The following SLC2A9 variants were observed in gnomAD, a reference collection of about 807,000 sequenced individuals.
SLC2A9 encodes solute carrier family 2, facilitated glucose transporter member 9.
Under a neutral mutation model 50.6 loss-of-function variants are expected in SLC2A9, and 39 were observed. That is an observed-to-expected ratio of 0.77 (90% CI 0.60 to 1.01). The LOEUF (loss-of-function observed/expected upper bound fraction) is 1.01, where lower values mean the gene tolerates loss of function less well. Among genes scored for constraint, SLC2A9 ranks in the 50% least tolerant of loss-of-function variants. The pLI, the probability that SLC2A9 is intolerant of heterozygous loss-of-function variation, is 0.00. For synonymous variants in SLC2A9, 324 were observed against 276.9 expected (o/e 1.17, Z -1.69); for missense variants, 686 against 677.6 (o/e 1.01, Z -0.14).
At chr4:9,951,682 TGTCTA>T (rs1274423112) in intron 5 of SLC2A9, among the ~76,000 whole-genome samples, 1 of 152,234 alleles carries the variant, frequency 6.6e-6, no homozygotes, top group Non-Finnish European at 1.5e-5. Flanking sequence ...CTGTCCTTTC[TGTCTA>T]AAGGAAATGT....
intron 8 of SLC2A9, among the ~76,000 whole-genome samples, chr4:9,899,423 G>A (rs1479730391): frequency 6.6e-6 from 1 of 152,184 alleles, no homozygotes; most frequent in Non-Finnish European, 1.5e-5. Context: ...TGGTAATCCT[G>A]TTTTAAACAT....
chr4:9,826,526 C>G lies in SLC2A9; in HGVS notation c.1494G>C (p.Val498=). The G allele has an allele frequency of 6.2e-7, 1 of 1,614,002 alleles. No individual in the cohort carries two copies. Among genetic ancestry groups the G allele is most frequent in the South Asian group, 1.1e-5 (1 of 91,070 alleles). ...AGGTTCTGTTTTTGGTCTCAGGCAGCACAAAATACAGGTAGATAGCACCTG... is the reference window on the plus strand; with the variant it reads ...AGGTTCTGTTTTTGGTCTCAGGCAGGACAAAATACAGGTAGATAGCACCTG... ...CITGAIYLYF[V]LPETKNRTYA... is the part of the protein sequence containing the mutation. Residue 498 remains valine, a synonymous_variant, in exon 12 of 12, where the codon GTG becomes GTC. Coordinates refer to ENST00000264784, the MANE Select transcript of SLC2A9 (RefSeq NM_020041.3).
chr4:9,937,104 T>A (rs1747228260), intron 6 of SLC2A9, among the ~76,000 whole-genome samples: 1 of 152,132 alleles, frequency 6.6e-6, no homozygotes, highest in Admixed American at 6.5e-5. Context: ...ATGGCACCCA[T>A]CACAGGCACA....
intron 10 of SLC2A9, among the ~76,000 whole-genome samples, chr4:9,846,702 T>G (rs16889509): frequency 0.17 from 25,768 of 152,190 alleles, 3,151 homozygotes; most frequent in African/African-American, 0.34. Flanking sequence ...GGCTAGTAGC[T>G]AAGACCATTG....
At chr4:10,028,376 C>G (rs1050953465) in intron 1 of SLC2A9, among the ~76,000 whole-genome samples, 1 of 152,252 alleles carries the variant, frequency 6.6e-6, no homozygotes, top group Non-Finnish European at 1.5e-5. Context: ...GACTCAGACC[C>G]TCATCCTGGC....
downstream of SLC2A9, among the ~76,000 whole-genome samples, chr4:9,795,927 C>T (rs1005107296): frequency 2.0e-5 from 3 of 152,136 alleles, no homozygotes; most frequent in African/African-American, 7.2e-5. Flanking sequence ...GTGTTAAGCA[C>T]CTTGGAAACA....
chr4:9,949,066 C>T (rs1485223796), intron 5 of SLC2A9, among the ~76,000 whole-genome samples: 1 of 152,214 alleles, frequency 6.6e-6, no homozygotes, highest in African/African-American at 2.4e-5. Context: ...GCACATCTAT[C>T]TACTCATCCT....
chr4:10,032,200 A>C (rs1264836575), intron 1 of SLC2A9, among the ~76,000 whole-genome samples: 3 of 152,172 alleles, frequency 2.0e-5, no homozygotes, highest in African/African-American at 7.2e-5. Flanking sequence ...AAACTCTAGA[A>C]AGCAGTGTAA....
At chr4:9,967,696 G>A (rs1753248424) in intron 5 of SLC2A9, among the ~76,000 whole-genome samples, 1 of 151,702 alleles carries the variant, frequency 6.6e-6, no homozygotes, top group Non-Finnish European at 1.5e-5. Flanking sequence ...AAAGTTATGG[G>A]AATAAAGATA....
At chr4:9,901,045 A>G (rs1008384112) in intron 8 of SLC2A9, among the ~76,000 whole-genome samples, 2 of 152,166 alleles carry the variant, frequency 1.3e-5, no homozygotes, top group Non-Finnish European at 1.5e-5. Flanking sequence ...CAATGGTAAC[A>G]CTAATGCTTT....
At chr4:10,013,147 T>C (rs1451567278) in intron 2 of SLC2A9, among the ~76,000 whole-genome samples, 2 of 152,178 alleles carry the variant, frequency 1.3e-5, no homozygotes, top group East Asian at 1.9e-4. Flanking sequence ...TAAGAACCTC[T>C]TGCCAGTTCA....
At chr4:9,824,526 G>A (rs1395872014), downstream of SLC2A9, among the ~76,000 whole-genome samples, 2 of 152,074 alleles carry the variant, frequency 1.3e-5, no homozygotes, top group African/African-American at 4.8e-5. Context: ...TCTCACCCCA[G>A]TCATCCCTGT....
intron 8 of SLC2A9, among the ~76,000 whole-genome samples, chr4:9,900,713 G>T (rs952789187): frequency 1.3e-5 from 2 of 152,180 alleles, no homozygotes; most frequent in African/African-American, 4.8e-5. Flanking sequence ...AGTTCCACAG[G>T]GCGGGGGAGG....
intron 10 of SLC2A9, among the ~76,000 whole-genome samples, chr4:9,836,797 T>G (rs1018999125): frequency 1.3e-5 from 2 of 152,098 alleles, no homozygotes; most frequent in African/African-American, 4.8e-5. Context: ...GTTGGGGCAG[T>G]CCAGGGAGGA....
chr4:9,902,537 C>T (rs973330863), intron 8 of SLC2A9, among the ~76,000 whole-genome samples: 4 of 152,202 alleles, frequency 2.6e-5, no homozygotes, highest in Admixed American at 6.5e-5. Context: ...GCAATAGAAA[C>T]GTGTTGTCTC....
intron 10 of SLC2A9, among the ~76,000 whole-genome samples, chr4:9,875,511 C>T (rs1342250635): frequency 2.0e-5 from 3 of 152,240 alleles, no homozygotes; most frequent in Non-Finnish European, 2.9e-5. Context: ...TGTACCTCCT[C>T]TAGGTAACCT....
At chr4:10,031,643 G>A (rs1445184977) in intron 1 of SLC2A9, among the ~76,000 whole-genome samples, 8 of 152,224 alleles carry the variant, frequency 5.3e-5, no homozygotes, top group Admixed American at 5.2e-4. Flanking sequence ...AAGAGTGAAT[G>A]TTTCTGCTTA....
At chr4:9,867,985 G>T (rs936014444) in intron 10 of SLC2A9, among the ~76,000 whole-genome samples, 13 of 152,134 alleles carry the variant, frequency 8.5e-5, no homozygotes, top group Non-Finnish European at 1.8e-4. Context: ...CTGAGAACGT[G>T]CCTTGCACAG....
rs1287997849 is a variant in SLC2A9 at position 9,878,812 on chromosome 4, T to C, written c.1291+8755A>G. Among the ~76,000 whole-genome samples the C allele has an allele frequency of 3.3e-5, 5 of 152,058 alleles. No individual in the cohort carries two copies. The East Asian group carries it at 9.7e-4, about 29-fold the overall frequency. On this transcript the variant is annotated intron_variant, in intron 10 of 11. Transcript: ENST00000264784. ...AGGGCAGTCTTGTGGGATTGAACCCTTTAACTCTTTCTGACACTCTGGGGA... is the reference window on the plus strand; with the variant it reads ...AGGGCAGTCTTGTGGGATTGAACCCCTTAACTCTTTCTGACACTCTGGGGA...
Sources: allele counts gnomAD v4.1 joint callset (sites outside exome capture counted in the v4.1 genomes callset), GRCh38; gene constraint gnomAD v4.1.1; transcripts MANE v1.5; gene names NCBI Gene and HGNC (gene_info 2026-07-23, HGNC 2026-07-21).